The following ITGB5 variants were observed in gnomAD, a reference collection of about 807,000 sequenced individuals.
ITGB5 encodes integrin beta-5.
Under a neutral mutation model 84.8 loss-of-function variants are expected in ITGB5, and 38 were observed. The ratio of observed to expected loss-of-function variants is 0.45; its 90% confidence interval spans 0.35 to 0.59. ITGB5 has a LOEUF of 0.59. ITGB5 is among the 20% of genes least tolerant of loss of function. The probability of loss-of-function intolerance (pLI) is 0.01; values close to 1 mark genes in which losing one functional copy is unlikely to be tolerated. For synonymous variants in ITGB5, 393 were observed against 414.4 expected (o/e 0.95, Z 0.63); for missense variants, 905 against 1,034.5 (o/e 0.87, Z 1.72).
chr3:124,769,090 A>G lies in ITGB5; in HGVS notation c.1940T>C (p.Leu647Pro). The G allele has an allele frequency of 6.2e-7, 1 of 1,613,990 alleles. No individual in the cohort carries two copies. Residue 647 changes from leucine (L) to proline (P), a missense_variant, in exon 12 of 15, where the codon CTC becomes CCC. By Grantham distance (98) the Leu-to-Pro change is moderately conservative. Transcript: ENST00000296181. ...TKRDCVECLL[L>P]HSGKPDNQTC... ...CTGGTTGTCAGGTTTCCCAGAGTGGAGCAGCAGGCACTCGACGCAATCTCT... is the reference window on the plus strand; with the variant it reads ...CTGGTTGTCAGGTTTCCCAGAGTGGGGCAGCAGGCACTCGACGCAATCTCT...
At chr3:124,838,792 G>A (rs1023141758) in intron 5 of ITGB5, among the ~76,000 whole-genome samples, 4 of 152,024 alleles carry the variant, frequency 2.6e-5, no homozygotes, top group East Asian at 3.9e-4. Flanking sequence ...TAGTAGAGAC[G>A]GGGTTTCACC....
intron 3 of ITGB5, among the ~76,000 whole-genome samples, chr3:124,856,962 G>A (rs754131118): frequency 6.6e-6 from 1 of 152,190 alleles, no homozygotes; most frequent in Non-Finnish European, 1.5e-5. Flanking sequence ...AAAAGGCTGA[G>A]TGTTGCTTAC....
At chr3:124,820,423 G>A (rs1326679832) in intron 6 of ITGB5, among the ~76,000 whole-genome samples, 1 of 152,218 alleles carries the variant, frequency 6.6e-6, no homozygotes, top group African/African-American at 2.4e-5. Context: ...AAGCTAAGAG[G>A]CAGTTTAACA....
At chr3:124,793,912 T>G (rs2064184226) in intron 10 of ITGB5, among the ~76,000 whole-genome samples, 1 of 152,232 alleles carries the variant, frequency 6.6e-6, no homozygotes. Context: ...CGCCCATGGG[T>G]GTACTCACGC....
chr3:124,893,315 T>C (rs1935038958), intron 1 of ITGB5, among the ~76,000 whole-genome samples: 1 of 152,036 alleles, frequency 6.6e-6, no homozygotes, highest in South Asian at 2.1e-4. Context: ...GGCTGAGGTA[T>C]GATAGTTGCT....
intron 2 of ITGB5, among the ~76,000 whole-genome samples, chr3:124,868,945 T>A (rs549161414): frequency 2.0e-5 from 3 of 152,128 alleles, no homozygotes; most frequent in African/African-American, 7.2e-5. Context: ...ACTGATGGAC[T>A]CATACATGAT....
At chr3:124,887,651 A>G (rs1579348480), upstream of ITGB5, 4 of 447,502 alleles carry the variant, frequency 8.9e-6, no homozygotes, top group African/African-American at 6.0e-5. Flanking sequence ...CCCGTTGCTT[A>G]GCCGCCCGTC....
chr3:124,785,720 G>A (rs2064073258), intron 10 of ITGB5, among the ~76,000 whole-genome samples: 1 of 152,124 alleles, frequency 6.6e-6, no homozygotes, highest in South Asian at 2.1e-4. Flanking sequence ...GAAACGATGA[G>A]TACCTCAGGC....
At chr3:124,879,713 C>A (rs1468499679) in intron 1 of ITGB5, among the ~76,000 whole-genome samples, 1 of 152,174 alleles carries the variant, frequency 6.6e-6, no homozygotes, top group African/African-American at 2.4e-5. Context: ...AGGAAGCTTA[C>A]CCCAATACAT....
chr3:124,861,738 T>C (rs1057345662), intron 2 of ITGB5, among the ~76,000 whole-genome samples: 7 of 152,114 alleles, frequency 4.6e-5, no homozygotes, highest in African/African-American at 1.7e-4. Context: ...ATTTTTGTAT[T>C]TTTAGTAGAG....
intron 10 of ITGB5, among the ~76,000 whole-genome samples, chr3:124,779,133 G>A (rs866510261): frequency 6.6e-6 from 1 of 152,200 alleles, no homozygotes. Context: ...GGTGCCACTG[G>A]AGTTGACACT....
At chr3:124,897,758 G>C (rs930789040) in intron 1 of ITGB5, among the ~76,000 whole-genome samples, 13 of 152,282 alleles carry the variant, frequency 8.5e-5, no homozygotes, top group Non-Finnish European at 1.6e-4. Context: ...CCAGGGTTAG[G>C]GATAAATAAT....
chr3:124,817,318 G>A, intron 8 of ITGB5, among the ~76,000 whole-genome samples: 1 of 152,206 alleles, frequency 6.6e-6, no homozygotes, highest in East Asian at 1.9e-4. Flanking sequence ...GCCTATGCGA[G>A]GTGTCAGAAC....
intron 5 of ITGB5, among the ~76,000 whole-genome samples, chr3:124,836,577 C>A (rs1245862903): frequency 6.6e-6 from 1 of 152,204 alleles, no homozygotes; most frequent in African/African-American, 2.4e-5. Flanking sequence ...AATTTCAAAT[C>A]AACAGAACTG....
intron 1 of ITGB5, among the ~76,000 whole-genome samples, chr3:124,875,781 T>G (rs913334445): frequency 6.6e-6 from 1 of 152,184 alleles, no homozygotes; most frequent in African/African-American, 2.4e-5. Flanking sequence ...TGTGGTATTT[T>G]TAAAAAGTGG....
upstream of ITGB5, among the ~76,000 whole-genome samples, chr3:124,889,646 G>A (rs989260270): frequency 5.9e-5 from 9 of 152,258 alleles, no homozygotes; most frequent in African/African-American, 1.4e-4. Context: ...GCTGTCCTGG[G>A]TTTATCTTGG....
At chr3:124,854,176 T>C (rs962001425) in intron 3 of ITGB5, among the ~76,000 whole-genome samples, 1 of 152,144 alleles carries the variant, frequency 6.6e-6, no homozygotes, top group African/African-American at 2.4e-5. Context: ...CTTCAAAAAG[T>C]TAAACATAGA....
At chr3:124,842,653 G>C (rs529696365) in intron 4 of ITGB5, among the ~76,000 whole-genome samples, 3 of 152,172 alleles carry the variant, frequency 2.0e-5, no homozygotes, top group African/African-American at 7.2e-5. Context: ...TAAGGAAGTC[G>C]CTCTTTCAGG....
Position 124,821,448 on chromosome 3 carries a change from T to A in ITGB5, c.807A>T (p.Ala269=), listed in dbSNP as rs2064702764. 6 of 1,614,228 alleles carry A rather than the reference T, an allele frequency of 3.7e-6. No individual in the cohort carries two copies. The highest frequency in any genetic ancestry group is 5.1e-6 in the Non-Finnish European group (6 of 1,180,032). ...CTGTTGTGAACACCAGCAAATGCAG[T>A]GCATCCTTTCGCCAGCCAATCTTCT... is the stretch of plus-strand genomic sequence containing the variant. The part of the protein sequence containing the change: ...CKEKIGWRKD[A]LHLLVFTTDD... The change falls in exon 6 of 15, where the codon GCA becomes GCT. Residue 269 remains alanine, a synonymous_variant. Coordinates refer to ENST00000296181, the MANE Select transcript of ITGB5 (RefSeq NM_002213.5).
Sources: gnomAD v4.1 joint callset for allele counts (sites outside exome capture counted in the v4.1 genomes callset) on GRCh38, gnomAD v4.1.1 for gene constraint, MANE v1.5 for transcripts, NCBI Gene and HGNC (gene_info 2026-07-23, HGNC 2026-07-21) for gene names.